OR1B1: variants seen among roughly 807,000 people sequenced by gnomAD.
OR1B1 encodes the protein olfactory receptor 1B1.
For missense variants in OR1B1, 414 were observed against 402.1 expected (o/e 1.03, Z -0.25); for synonymous variants, 168 against 156.2 (o/e 1.08, Z -0.57).
the OR1B1 span, among the ~76,000 whole-genome samples, chr9:122,646,434 A>G: frequency 6.6e-6 from 1 of 152,016 alleles, no homozygotes; most frequent in African/African-American, 2.4e-5. Flanking sequence ...AAGACCCAAT[A>G]ATCTTCTGCC....
chr9:122,657,487 T>G, the OR1B1 span, among the ~76,000 whole-genome samples: 1 of 152,144 alleles, frequency 6.6e-6, no homozygotes, highest in Admixed American at 6.5e-5. Flanking sequence ...TGGAAGTAGA[T>G]CAAGGGCTTT....
chr9:122,641,987 A>G, the OR1B1 span, among the ~76,000 whole-genome samples: 1 of 152,196 alleles, frequency 6.6e-6, no homozygotes, highest in Non-Finnish European at 1.5e-5. Flanking sequence ...AGCAGAAATA[A>G]AGATTTTCAG....
At chr9:122,645,410 A>T in the OR1B1 span, among the ~76,000 whole-genome samples, 1 of 152,124 alleles carries the variant, frequency 6.6e-6, no homozygotes, top group Non-Finnish European at 1.5e-5. Flanking sequence ...CCTAGAGAAA[A>T]ATATCAACAT....
At chr9:122,651,837 GAGTGCAGTGGCACT>G in the OR1B1 span, among the ~76,000 whole-genome samples, 1 of 152,166 alleles carries the variant, frequency 6.6e-6, no homozygotes, top group African/African-American at 2.4e-5. Flanking sequence ...ACACAGGCTA[GAGTGCAGTGGCACT>G]ATCATAGCTC....
At chr9:122,647,977 T>TA in the OR1B1 span, among the ~76,000 whole-genome samples, 6 of 152,208 alleles carry the variant, frequency 3.9e-5, no homozygotes, top group Admixed American at 2.0e-4. Flanking sequence ...TTTTTCTCCT[T>TA]ATATGCTTTG....
the OR1B1 span, among the ~76,000 whole-genome samples, chr9:122,649,409 A>T: frequency 2.0e-5 from 3 of 152,244 alleles, no homozygotes; most frequent in African/African-American, 7.2e-5. Flanking sequence ...AATGGGATCT[A>T]ATTAAACTAA....
chr9:122,632,258 T>C (rs1446974599), upstream of OR1B1, among the ~76,000 whole-genome samples: 1 of 151,832 alleles, frequency 6.6e-6, no homozygotes, highest in Admixed American at 6.6e-5. Flanking sequence ...GTACTTAGTG[T>C]CTAAGAGAGA....
chr9:122,634,801 A>C, the OR1B1 span, among the ~76,000 whole-genome samples: 4 of 152,202 alleles, frequency 2.6e-5, no homozygotes, highest in Non-Finnish European at 2.9e-5. Flanking sequence ...CGTCAGGGAA[A>C]TGAAAATCAA....
the OR1B1 span, among the ~76,000 whole-genome samples, chr9:122,649,932 A>G: frequency 2.0e-5 from 3 of 152,216 alleles, no homozygotes; most frequent in Admixed American, 6.5e-5. Context: ...TCATTCTACT[A>G]AAGACACATG....
chr9:122,649,561 A>G, the OR1B1 span, among the ~76,000 whole-genome samples: 1 of 152,170 alleles, frequency 6.6e-6, no homozygotes, highest in Non-Finnish European at 1.5e-5. Flanking sequence ...TACAAGAAAA[A>G]AACAACCCCA....
At chr9:122,635,038 G>A in the OR1B1 span, among the ~76,000 whole-genome samples, 21 of 152,226 alleles carry the variant, frequency 1.4e-4, no homozygotes, top group East Asian at 1.9e-4. Flanking sequence ...GTATACACCC[G>A]AAGGAAAATA....
chr9:122,656,014 C>G, the OR1B1 span, among the ~76,000 whole-genome samples: 1 of 152,074 alleles, frequency 6.6e-6, no homozygotes, highest in African/African-American at 2.4e-5. Flanking sequence ...TATCATTTAC[C>G]TCTATGAGTA....
chr9:122,653,353 A>T, the OR1B1 span, among the ~76,000 whole-genome samples: 1 of 152,142 alleles, frequency 6.6e-6, no homozygotes, highest in Non-Finnish European at 1.5e-5. Context: ...CAGCTCTAAC[A>T]CCCATCAACT....
chr9:122,639,123 T>C, the OR1B1 span, among the ~76,000 whole-genome samples: 1 of 152,076 alleles, frequency 6.6e-6, no homozygotes, highest in Non-Finnish European at 1.5e-5. Flanking sequence ...TAGATAGACG[T>C]TTTTCATCAC....
At chr9:122,656,309 G>A in the OR1B1 span, among the ~76,000 whole-genome samples, 2 of 152,094 alleles carry the variant, frequency 1.3e-5, no homozygotes. Flanking sequence ...TATCTGCTAT[G>A]GTTTTAAGAT....
upstream of OR1B1, among the ~76,000 whole-genome samples, chr9:122,630,057 A>G (rs1374614636): frequency 6.6e-6 from 1 of 152,200 alleles, no homozygotes; most frequent in African/African-American, 2.4e-5. Flanking sequence ...ATTTTCCTCT[A>G]AGGTCTGGAA....
chr9:122,636,538 C>T, the OR1B1 span, among the ~76,000 whole-genome samples: 1 of 152,158 alleles, frequency 6.6e-6, no homozygotes, highest in Non-Finnish European at 1.5e-5. Flanking sequence ...AATGCTTGAA[C>T]CCAGAAGGCA....
the OR1B1 span, among the ~76,000 whole-genome samples, chr9:122,636,666 C>A: frequency 6.6e-6 from 1 of 152,138 alleles, no homozygotes; most frequent in Non-Finnish European, 1.5e-5. Flanking sequence ...CATGTACATT[C>A]ATCACTGACT....
the OR1B1 span, among the ~76,000 whole-genome samples, chr9:122,655,641 G>A: frequency 8.1e-6 from 1 of 124,182 alleles, no homozygotes; most frequent in Non-Finnish European, 1.6e-5. Flanking sequence ...CTGGCAATGA[G>A]AACACATGGA....
Sources: allele counts gnomAD v4.1 joint callset (sites outside exome capture counted in the v4.1 genomes callset), GRCh38; gene constraint gnomAD v4.1.1; transcripts MANE v1.5; gene names NCBI Gene and HGNC (gene_info 2026-07-23, HGNC 2026-07-21).